MTMR8: variants seen among roughly 807,000 people sequenced by gnomAD.
MTMR8 encodes the protein phosphatidylinositol-3,5-bisphosphate 3-phosphatase MTMR8.
Under a neutral mutation model 39.3 loss-of-function variants are expected in MTMR8, and 65 were observed. That is an observed-to-expected ratio of 1.65 (90% confidence interval 1.35 to 2.03). The LOEUF (loss-of-function observed/expected upper bound fraction) is 2.03. MTMR8 is among the 30% of genes most tolerant of loss of function. The probability of loss-of-function intolerance (pLI) is 0.00; values close to 1 mark genes in which losing one functional copy is unlikely to be tolerated. For missense variants in MTMR8, 777 were observed against 538.9 expected, an observed-to-expected ratio of 1.44 and a Z score of -4.37; for synonymous variants, 245 against 185.2, an observed-to-expected ratio of 1.32 and a Z score of -2.62.
At chrX:64,338,512 A>G (rs991014196) in intron 8 of MTMR8, among the ~76,000 whole-genome samples, 1 of 112,214 alleles carries the variant, frequency 8.9e-6, no homozygotes, top group Non-Finnish European at 1.9e-5. Context: ...AGGAAGAACA[A>G]TTAATGACTC....
At chrX:64,354,062 AG>A (rs1337313482) in intron 4 of MTMR8, among the ~76,000 whole-genome samples, 1 of 110,003 alleles carries the variant, frequency 9.1e-6, no homozygotes, top group Non-Finnish European at 1.9e-5. Flanking sequence ...AACAAAGCAT[AG>A]AAAGACAAAT....
intron 11 of MTMR8, 22 bp from the exon 12 acceptor site, chrX:64,328,922 C>T (rs1275231957): frequency 8.5e-7 from 1 of 1,176,780 alleles, no homozygotes; most frequent in Non-Finnish European, 1.1e-6. Context: ...GAAAAACAAG[C>T]CAAAAAATTA....
chrX:64,290,944 G>A (rs1219672802), intron 12 of MTMR8, among the ~76,000 whole-genome samples: 1 of 111,870 alleles, frequency 8.9e-6, no homozygotes, highest in Non-Finnish European at 1.9e-5. Context: ...CATATAAACA[G>A]AAAGTTTGAT....
intron 2 of MTMR8, 144 bp downstream of exon 2, chrX:64,359,261 A>T: frequency 1.9e-6 from 1 of 537,547 alleles, no homozygotes. Context: ...TTCAGACCAT[A>T]AAAAGATTAT....
chrX:64,285,153 A>T (rs1176253980), intron 12 of MTMR8, among the ~76,000 whole-genome samples: 1 of 111,628 alleles, frequency 9.0e-6, no homozygotes, highest in African/African-American at 3.3e-5. Context: ...GGAAAACAAA[A>T]AAAGGCAGGG....
At chrX:64,278,056 G>A (rs771865820) in intron 12 of MTMR8, among the ~76,000 whole-genome samples, 2 of 108,669 alleles carry the variant, frequency 1.8e-5, no homozygotes, top group Admixed American at 1.0e-4. Flanking sequence ...CAAAGTTCTC[G>A]TGCTGTGTTT....
chrX:64,289,636 CAAAAAA>C (rs749879321), intron 12 of MTMR8, among the ~76,000 whole-genome samples: 5 of 26,425 alleles, frequency 1.9e-4, no homozygotes, highest in Admixed American at 6.2e-4. Context: ...GACTCCATCG[CAAAAAA>C]AAAAAAAAAA....
intron 1 of MTMR8, among the ~76,000 whole-genome samples, chrX:64,367,348 C>T (rs1053762802): frequency 1.8e-5 from 2 of 111,782 alleles, no homozygotes; most frequent in Non-Finnish European, 3.8e-5. Flanking sequence ...AACATCGATG[C>T]CAAAATCCTC....
chrX:64,284,566 G>A (rs1428603025), intron 12 of MTMR8, among the ~76,000 whole-genome samples: 2 of 111,707 alleles, frequency 1.8e-5, no homozygotes, highest in Non-Finnish European at 3.8e-5. Context: ...GTTAAGGGCA[G>A]CCAGAGAGAA....
At chrX:64,321,510 T>C (rs1922643975) in intron 12 of MTMR8, among the ~76,000 whole-genome samples, 1 of 111,887 alleles carries the variant, frequency 8.9e-6, no homozygotes, top group South Asian at 3.7e-4. Context: ...AACTTGAAGA[T>C]AGGTCCATTG....
In MTMR8 at chrX:64,282,913, G is replaced by A. The variant is rs1049761321; in HGVS notation, c.1482-11840C>T. ...TCCCAGCGTGAGTGATGCAGAAGACGGGTGATTTCTGTATTTCCAACTGAG... is the reference window on the plus strand; with the variant it reads ...TCCCAGCGTGAGTGATGCAGAAGACAGGTGATTTCTGTATTTCCAACTGAG... On this transcript the variant is annotated intron_variant, in intron 12 of 13. Transcript: ENST00000374852. 2.2e-4 allele frequency among the ~76,000 whole-genome samples: 24 copies of A among 111,621 alleles called. 1 individual carries two copies. Among genetic ancestry groups the A allele is most frequent in the Non-Finnish European group, 2.8e-4 (15 of 53,050 alleles).
At chrX:64,303,777 C>G (rs756687480) in intron 12 of MTMR8, among the ~76,000 whole-genome samples, 1 of 112,347 alleles carries the variant, frequency 8.9e-6, no homozygotes, top group East Asian at 2.8e-4. Context: ...AGTTTGAAAA[C>G]AAGTAACATT....
chrX:64,362,889 A>G (rs1923832518), intron 1 of MTMR8, among the ~76,000 whole-genome samples: 1 of 111,375 alleles, frequency 9.0e-6, no homozygotes, highest in African/African-American at 3.3e-5. Flanking sequence ...CAACTCAATA[A>G]GAAAAAGAGG....
chrX:64,289,797 T>C (rs1038907901), intron 12 of MTMR8, among the ~76,000 whole-genome samples: 1 of 110,888 alleles, frequency 9.0e-6, no homozygotes, highest in African/African-American at 3.3e-5. Flanking sequence ...ATACAACCAA[T>C]TAAATATTAT....
intron 12 of MTMR8, among the ~76,000 whole-genome samples, chrX:64,313,433 T>C (rs186614747): frequency 3.5e-4 from 40 of 112,796 alleles, no homozygotes; most frequent in African/African-American, 1.3e-3. Context: ...GTTAGGAACT[T>C]TTATCAACAA....
At position 64,356,335 on chromosome X, in the gene MTMR8, C is replaced by G. The variant is rs765628712; in HGVS notation, c.151G>C (p.Ala51Pro). 4 of 1,197,572 alleles carry G rather than the reference C, an allele frequency of 3.3e-6. No homozygotes were observed. The East Asian group carries it at 8.9e-5, about 27-fold the overall frequency. Reference protein sequence around the residue: ...SGAARKETWIALHHIATVEKL... With the variant: ...SGAARKETWIPLHHIATVEKL... ...TCCACAGTGGCAATGTGATGGAGTG[C>G]AATCTGAAAAACATAAAAGAACCAG... The change falls in exon 3 of 14, where the codon GCA (alanine) becomes CCA (proline). Residue 51 changes from alanine (A) to proline (P), a missense_variant. Ala to Pro is a conservative substitution (Grantham distance 27, BLOSUM62 -1). Transcript: ENST00000374852.
At chrX:64,374,403 C>T (rs920088458) in intron 1 of MTMR8, among the ~76,000 whole-genome samples, 3 of 111,887 alleles carry the variant, frequency 2.7e-5, no homozygotes, top group Non-Finnish European at 3.8e-5. Context: ...TGATCCCTCC[C>T]GACAACCATC....
intron 12 of MTMR8, among the ~76,000 whole-genome samples, chrX:64,286,615 T>G (rs1183098448): frequency 8.9e-6 from 1 of 111,817 alleles, no homozygotes; most frequent in African/African-American, 3.3e-5. Context: ...TTATCCACCA[T>G]GATCAAGTGG....
intron 1 of MTMR8, among the ~76,000 whole-genome samples, chrX:64,370,780 A>T (rs752412719): frequency 4.1e-4 from 46 of 111,708 alleles, no homozygotes; most frequent in African/African-American, 1.5e-3. Flanking sequence ...TTGCCTAGTG[A>T]GGCACTTCTC....
Sources: gnomAD v4.1 joint callset for allele counts (sites outside exome capture counted in the v4.1 genomes callset) on GRCh38, gnomAD v4.1.1 for gene constraint, MANE v1.5 for transcripts, NCBI Gene and HGNC (gene_info 2026-07-23, HGNC 2026-07-21) for gene names.